ADGRF5: variants seen among roughly 807,000 people sequenced by gnomAD.
ADGRF5 encodes G-protein coupled receptor 116.
In ADGRF5, 75 loss-of-function variants were observed where a neutral mutation model predicts 132.3. The observed-to-expected ratio is 0.57, with a 90% CI of 0.47 to 0.69. ADGRF5 has a LOEUF of 0.69. Ranked by LOEUF, ADGRF5 falls within the 30% of genes least tolerant of loss-of-function variation. The pLI is 0.00. For synonymous variants in ADGRF5, 629 were observed against 597.6 expected, an observed-to-expected ratio of 1.05 and a Z score of -0.77; for missense variants, 1,516 against 1,630.6, an observed-to-expected ratio of 0.93 and a Z score of 1.21.
chr6:46,929,179 C>A (rs1777412937), intron 1 of ADGRF5, among the ~76,000 whole-genome samples: 2 of 152,218 alleles, frequency 1.3e-5, no homozygotes, highest in South Asian at 4.2e-4. Context: ...AGGATGAGTT[C>A]ATGTCCTTTG....
In ADGRF5 at chr6:46,884,124, G is replaced by T; in HGVS notation, c.476C>A (p.Pro159His). ...HHCSCLKELP[P>H]NGPFCLLQED... is the part of the protein sequence containing the mutation. The stretch of plus-strand genomic sequence containing the variant: ...CTGAAGCAGGCAAAAAGGTCCATTG[G>T]GAGGCAGTTCTTTAAGGCAACTGCA... The change falls in exon 5 of 21, where the codon CCC becomes CAC. Residue 159 changes from proline to histidine, a missense_variant. By Grantham distance (77) the Pro-to-His change is moderately conservative (BLOSUM62 -2). Around this residue, in one of 2 missense-constraint regions of ADGRF5, gnomAD observed 945 missense variants for 929.4 expected, o/e 1.02. Transcript: ENST00000283296. 1 of 1,614,010 alleles carries T rather than the reference G, an allele frequency of 6.2e-7. No individual in the cohort carries two copies. Among genetic ancestry groups the T allele is most frequent in the Non-Finnish European group, 8.5e-7 (1 of 1,179,920 alleles).
intron 13 of ADGRF5, among the ~76,000 whole-genome samples, chr6:46,866,606 C>A (rs1454679492): frequency 6.6e-6 from 1 of 151,916 alleles, no homozygotes; most frequent in Admixed American, 6.6e-5. Flanking sequence ...TTGTGGCATG[C>A]AACTTTATAG....
chr6:46,865,728 C>T (rs956775811), intron 13 of ADGRF5, among the ~76,000 whole-genome samples: 1 of 152,238 alleles, frequency 6.6e-6, no homozygotes, highest in Non-Finnish European at 1.5e-5. Flanking sequence ...ATCCCTCTGC[C>T]ATGCAGCCTT....
intron 10 of ADGRF5, among the ~76,000 whole-genome samples, chr6:46,873,980 C>T (rs538791038): frequency 6.6e-6 from 1 of 152,240 alleles, no homozygotes; most frequent in African/African-American, 2.4e-5. Flanking sequence ...GTAACTTGCT[C>T]AGACCCCATT....
At chr6:46,941,426 G>GAA (rs1249035730) in intron 1 of ADGRF5, among the ~76,000 whole-genome samples, 2,294 of 43,212 alleles carry the variant, frequency 0.053, 138 homozygotes, top group African/African-American at 0.12. Context: ...GAAAAGAAAA[G>GAA]AAAAGAAAAG....
intron 20 of ADGRF5, chr6:46,854,905 A>AT (rs951291044): frequency 4.7e-6 from 2 of 426,692 alleles, no homozygotes; most frequent in East Asian, 1.4e-4. Context: ...AAGCAGAAAA[A>AT]ACCCAAGTCC....
chr6:46,872,988 G>A (rs2150815735), intron 10 of ADGRF5, among the ~76,000 whole-genome samples: 1 of 152,218 alleles, frequency 6.6e-6, no homozygotes, highest in Middle Eastern at 3.4e-3. Context: ...ACACGAAACT[G>A]ATTTCCCTCT....
At chr6:46,855,516 T>C (rs1768939364) in intron 20 of ADGRF5, among the ~76,000 whole-genome samples, 1 of 152,182 alleles carries the variant, frequency 6.6e-6, no homozygotes, top group South Asian at 2.1e-4. Flanking sequence ...ACAAGCACAC[T>C]TTATAAAAAG....
chr6:46,918,471 C>T (rs2150920842), intron 1 of ADGRF5, among the ~76,000 whole-genome samples: 1 of 152,358 alleles, frequency 6.6e-6, no homozygotes. Flanking sequence ...AGTGGCAGCT[C>T]ATGCAAAGGA....
At chr6:46,927,656 C>T (rs748121985) in intron 1 of ADGRF5, among the ~76,000 whole-genome samples, 5 of 152,172 alleles carry the variant, frequency 3.3e-5, no homozygotes, top group Admixed American at 6.5e-5. Flanking sequence ...ACATCTGACG[C>T]AAGCCAGCAA....
intron 3 of ADGRF5, among the ~76,000 whole-genome samples, chr6:46,896,794 G>C (rs1774228623): frequency 6.6e-6 from 1 of 151,878 alleles, no homozygotes; most frequent in African/African-American, 2.4e-5. Flanking sequence ...ACCAATCTCA[G>C]ATGGAAAATA....
At chr6:46,924,773 C>A (rs1434326256), upstream of ADGRF5, among the ~76,000 whole-genome samples, 4 of 152,220 alleles carry the variant, frequency 2.6e-5, no homozygotes, top group African/African-American at 7.2e-5. Context: ...CTCCATCCTT[C>A]CAGTTACCCA....
intron 8 of ADGRF5, 65 bp from the exon 9 acceptor site, chr6:46,880,104 A>C: frequency 9.3e-7 from 1 of 1,070,298 alleles, no homozygotes; most frequent in Non-Finnish European, 1.4e-6. Context: ...GCTACTCACC[A>C]CACACAACCA....
chr6:46,906,644 A>G lies in ADGRF5; in HGVS notation c.102+17T>C, dbSNP rs1263350554. On this transcript the variant is annotated intron_variant, in intron 2 of 20. Coordinates refer to ENST00000283296, the MANE Select transcript of ADGRF5 (RefSeq NM_001098518.2). ...AATGTGACAAGAAAAATTATAGCAG[A>G]TATGGATATAACTCACCAAAGGATG... 2 of 1,194,676 alleles carry G rather than the reference A, an allele frequency of 1.7e-6. No individual in the cohort carries two copies. Among genetic ancestry groups the G allele is most frequent in the Non-Finnish European group, 1.2e-6 (1 of 807,630 alleles). 74.0% of individuals were successfully genotyped at this position (1,194,676 alleles called of 1,614,324 possible).
Position 46,881,474 on chromosome 6 carries a change from G to T in ADGRF5, c.795C>A (p.Ser265=), listed in dbSNP as rs776652561. 79 of 1,613,244 alleles carry T rather than the reference G, an allele frequency of 4.9e-5. No homozygotes were observed. Among genetic ancestry groups the T allele is most frequent in the Non-Finnish European group, 6.3e-5 (74 of 1,179,348 alleles). Residue 265 remains serine, a synonymous_variant, in exon 8 of 21, where the codon TCC becomes TCA. Transcript: ENST00000283296. ...LNQTYKMDYN[S]FQAVTINESN... is the part of the protein sequence containing the mutation. ...ACTTACTGATAGTAACTGCTTGAAA[G>T]GAGTTGTAGTCCATTTTGTAGGTCT...
chr6:46,855,441 G>C (rs1014329272), intron 20 of ADGRF5, among the ~76,000 whole-genome samples: 4 of 152,134 alleles, frequency 2.6e-5, no homozygotes, highest in African/African-American at 9.7e-5. Flanking sequence ...ATTTCTAATA[G>C]AATAGCTAAC....
intron 1 of ADGRF5, among the ~76,000 whole-genome samples, chr6:46,910,494 G>A (rs182243731): frequency 2.6e-5 from 4 of 152,162 alleles, no homozygotes; most frequent in East Asian, 1.9e-4. Context: ...CAAGGGTTAC[G>A]CCCTCTAACC....
At chr6:46,914,371 T>A (rs1171545370) in intron 1 of ADGRF5, among the ~76,000 whole-genome samples, 1 of 152,218 alleles carries the variant, frequency 6.6e-6, no homozygotes, top group East Asian at 1.9e-4. Context: ...ATTCATCTCC[T>A]GCACAAGCAA....
chr6:46,863,902 C>T (rs150484010), intron 14 of ADGRF5, among the ~76,000 whole-genome samples: 22 of 152,358 alleles, frequency 1.4e-4, no homozygotes, highest in Non-Finnish European at 8.8e-5. Flanking sequence ...ACCTTTGCTG[C>T]ACCCTGGAGG....
Sources: gnomAD v4.1 joint callset for allele counts (sites outside exome capture counted in the v4.1 genomes callset) on GRCh38, gnomAD v4.1.1 for gene constraint, gnomAD v4.1.1 regional missense constraint, MANE v1.5 for transcripts, NCBI Gene and HGNC (gene_info 2026-07-23, HGNC 2026-07-21) for gene names.